The following NEB variants were observed in gnomAD, a reference collection of about 807,000 sequenced individuals.
The protein encoded by NEB is nemaline myopathy type 2.
A neutral mutation model predicts 952.2 loss-of-function variants in NEB; 512 were observed. The observed-to-expected ratio is 0.54, with a 90% CI of 0.50 to 0.58. The LOEUF (loss-of-function observed/expected upper bound fraction) is 0.58, where lower values mean the gene tolerates loss of function less well. NEB is among the 20% of genes least tolerant of loss of function. The pLI is 0.00. For synonymous variants in NEB, 2,900 were observed against 3,149.8 expected, an observed-to-expected ratio of 0.92 and a Z score of 2.66; for missense variants, 8,428 against 9,231.1, an observed-to-expected ratio of 0.91 and a Z score of 3.56.
At chr2:151,609,726 G>A (rs1398133188) in intron 81 of NEB, 83 bp downstream of exon 81, 17 of 1,366,372 alleles carry the variant, frequency 1.2e-5, no homozygotes, top group Non-Finnish European at 1.7e-5. Flanking sequence ...ACAGCCCAGG[G>A]GACTGTCCTC....
intron 132 of NEB, 46 bp from the exon 133 acceptor site, chr2:151,547,579 T>C: frequency 3.1e-6 from 5 of 1,600,750 alleles, no homozygotes; most frequent in Non-Finnish European, 4.3e-6. Context: ...AGAGACCGAA[T>C]GATTAACATT....
chr2:151,491,839 G>A, intron 178 of NEB, 64 bp from the exon 179 acceptor site: 2 of 1,336,734 alleles, frequency 1.5e-6, no homozygotes, highest in Non-Finnish European at 1.0e-6. Context: ...TGAAAACCAA[G>A]GCATGAATTT....
rs767655082 is a variant in NEB, at chr2:151,633,670, T to C, written c.9398A>G (p.Tyr3133Cys). 1.1e-5 allele frequency: 18 copies of C among 1,612,866 alleles called. No homozygotes were observed. The Admixed American group carries it at 1.2e-4, about 10-fold the overall frequency. Residue 3133 changes from tyrosine to cysteine, a missense_variant, in exon 65 of 182, where the codon TAT (tyrosine) becomes TGT (cysteine). Physicochemically the swap from Tyr to Cys is radical, Grantham distance 194. Coordinates refer to ENST00000397345, the MANE Select transcript of NEB (RefSeq NM_001164508.2). ...TGTACTCACGTCACTCTGGAGGTCA[T>C]AGGCCTGCCGAGCATGGATGACATC... The part of the protein sequence containing the change: ...QSDVIHARQA[Y>C]DLQSDNIYKS...
intron 126 of NEB, 117 bp downstream of exon 126, chr2:151,553,711 A>T: frequency 1.9e-6 from 2 of 1,063,218 alleles, no homozygotes; most frequent in Non-Finnish European, 2.7e-6. Context: ...ACAAATGGAC[A>T]TATAGGGAAG....
In NEB at chr2:151,615,988, A is replaced by C. The variant is rs1156351971; in HGVS notation, c.11289+14T>G. On this transcript the variant is annotated intron_variant, in intron 76 of 181. Coordinates refer to ENST00000397345, the MANE Select transcript of NEB (RefSeq NM_001164508.2). ...CTTTGAATAAGAAATGGCTTTTCCA[A>C]AACATCCACTTACATCACTAGCAAT... The C allele has an allele frequency of 6.3e-7, 1 of 1,586,246 alleles. No individual in the cohort carries two copies. The highest frequency in any genetic ancestry group is 1.3e-5 in the African/African-American group (1 of 74,142).
intron 27 of NEB, 145 bp downstream of exon 27, chr2:151,687,274 C>A: frequency 1.5e-6 from 1 of 645,536 alleles, no homozygotes; most frequent in South Asian, 2.4e-5. Flanking sequence ...TCCAGGGCAT[C>A]ATTCTGAAGT....
intron 181 of NEB, among the ~76,000 whole-genome samples, chr2:151,487,465 T>G (rs904187509): frequency 4.6e-5 from 7 of 152,210 alleles, no homozygotes; most frequent in African/African-American, 1.7e-4. Flanking sequence ...AGTGGAACAT[T>G]ACTATAAATA....
At chr2:151,618,129 TA>T in intron 74 of NEB, 145 bp downstream of exon 74, 1 of 728,754 alleles carries the variant, frequency 1.4e-6, no homozygotes, top group Non-Finnish European at 2.3e-6. Context: ...GAAGTATCAC[TA>T]AGTAACTATG....
In NEB at chr2:151,692,071, A is replaced by G. The variant is rs763213993; in HGVS notation, c.2094T>C (p.Ala698=). The change falls in exon 22 of 182, where the codon GCT becomes GCC. Residue 698 remains alanine (A), a synonymous_variant. Transcript: ENST00000397345. ...TCTTCAAACTTACATCACTGTTTTG[A>G]GCTGCAACTTTCATGCAGTGTGTGT... ...PYHTHCMKVA[A]QNSDKSYKAE... is the part of the protein sequence containing the mutation. 6.2e-7 allele frequency: 1 copy of G among 1,613,916 alleles called. No homozygotes were observed. Among genetic ancestry groups the G allele is most frequent in the Non-Finnish European group, 8.5e-7 (1 of 1,179,800 alleles).
chr2:151,724,988 T>G, intron 6 of NEB, 27 bp from the exon 7 acceptor site: 2 of 1,550,642 alleles, frequency 1.3e-6, no homozygotes, highest in Non-Finnish European at 1.8e-6. Flanking sequence ...CAGTTAGAGT[T>G]CATGACAGGC....
rs753145197 is a variant in NEB, at chr2:151,674,613, C to A, written c.3880-29G>T. 9 of 1,482,930 alleles carry A rather than the reference C, an allele frequency of 6.1e-6. No homozygotes were observed. The Admixed American group carries it at 1.5e-4, about 25-fold the overall frequency. 91.9% of individuals were successfully genotyped at this position (1,482,930 alleles called of 1,614,324 possible). On this transcript the variant is annotated intron_variant, in intron 35 of 181. Coordinates refer to ENST00000397345, the MANE Select transcript of NEB (RefSeq NM_001164508.2). The stretch of plus-strand genomic sequence containing the variant: ...GACAGAAAAGCAAACAGAATGTCAG[C>A]ATCTGTAAGTGATTCCTCAACTGCT...
intron 175 of NEB, 150 bp downstream of exon 175, chr2:151,493,625 G>C (rs557748180): frequency 4.1e-6 from 3 of 738,920 alleles, no homozygotes; most frequent in Non-Finnish European, 6.4e-6. Flanking sequence ...CTGTGACCTC[G>C]TGGGGTTGGT....
At chr2:151,655,240 A>C in intron 51 of NEB, 30 bp downstream of exon 51, 1 of 1,276,704 alleles carries the variant, frequency 7.8e-7, no homozygotes, top group Non-Finnish European at 1.1e-6. Context: ...TTCAATACAA[A>C]ACTTAAAATT....
rs1165026867 is a variant in NEB, at chr2:151,570,332, T to C, written c.17179A>G (p.Arg5727Gly). 1.2e-6 allele frequency: 2 copies of C among 1,605,982 alleles called. No individual in the cohort carries two copies. Among genetic ancestry groups the C allele is most frequent in the Non-Finnish European group, 8.5e-7 (1 of 1,174,346 alleles). ...KGHYVGTLTARDDNKIRWALI... is the reference protein window; with the variant it reads ...KGHYVGTLTAGDDNKIRWALI... ...GCCCAGCGGATCTTGTTGTCATCCC[T>C]GGCTGTGAGGGTGCCCACGTAGTGT... Residue 5727 changes from arginine (R) to glycine (G), a missense_variant, in exon 109 of 182, where the codon AGG becomes GGG. Physicochemically the swap from Arg to Gly is moderately radical, Grantham distance 125. Around this residue, in one of 11 missense-constraint regions of NEB, gnomAD observed 3,374 missense variants for 3,651.5 expected, o/e 0.92. Coordinates refer to ENST00000397345, the MANE Select transcript of NEB (RefSeq NM_001164508.2).
At chr2:151,698,071 A>G (rs1313192182) in intron 13 of NEB, among the ~76,000 whole-genome samples, 1 of 151,896 alleles carries the variant, frequency 6.6e-6, no homozygotes, top group Non-Finnish European at 1.5e-5. Flanking sequence ...GTCTCAAAAC[A>G]AAACAAAACA....
In NEB at chr2:151,672,462, A is replaced by T. The variant is rs201169452; in HGVS notation, c.4206T>A (p.Asn1402Lys). 507 of 1,613,972 alleles carry T rather than the reference A, an allele frequency of 3.1e-4. 4 individuals carry two copies. The African/African-American group carries it at 6.4e-3, about 20-fold the overall frequency. ...GATGCAATGGCTGTTTGTAGTTGAC[A>T]TTGGTAGCGACATCCTGGGCCATCT... ...AAKMAQDVAT[N>K]VNYKQPLHHY... The change falls in exon 37 of 182, where the codon AAT becomes AAA. Residue 1402 changes from asparagine to lysine, a missense_variant. Physicochemically the swap from Asn to Lys is moderately conservative, Grantham distance 94. Transcript: ENST00000397345.
chr2:151,533,259 G>C (rs2092220736), intron 143 of NEB, among the ~76,000 whole-genome samples, 183 bp downstream of exon 143: 1 of 152,192 alleles, frequency 6.6e-6, no homozygotes, highest in South Asian at 2.1e-4. Context: ...ATGTACGGAT[G>C]ACCACTGTCC....
chr2:151,656,790 T>G (rs2099089819), intron 48 of NEB, among the ~76,000 whole-genome samples: 1 of 151,670 alleles, frequency 6.6e-6, no homozygotes, highest in Non-Finnish European at 1.5e-5. Context: ...GACTTATGCA[T>G]GTACTTTGCT....
At chr2:151,497,318 T>TAAACA in intron 171 of NEB, 2 of 979,576 alleles carry the variant, frequency 2.0e-6, no homozygotes, top group Non-Finnish European at 2.4e-6. Context: ...CCATGCCTCC[T>TAAACA]AAACAATTAT....
Sources: allele counts gnomAD v4.1 joint callset (sites outside exome capture counted in the v4.1 genomes callset), GRCh38; gene constraint gnomAD v4.1.1; regional missense constraint gnomAD v4.1.1; transcripts MANE v1.5; gene names NCBI Gene and HGNC (gene_info 2026-07-23, HGNC 2026-07-21).